The following GABRB1 variants were observed in gnomAD, a reference collection of about 807,000 sequenced individuals.
The protein encoded by GABRB1 is gamma-aminobutyric acid type A receptor subunit beta1.
A neutral mutation model predicts 51.6 loss-of-function variants in GABRB1; 17 were observed. The ratio of observed to expected loss-of-function variants is 0.33; its 90% confidence interval spans 0.23 to 0.49. The LOEUF (loss-of-function observed/expected upper bound fraction) is 0.49, where lower values mean the gene tolerates loss of function less well. GABRB1 is among the 20% of genes least tolerant of loss of function. GABRB1 has a pLI of 0.99. For synonymous variants in GABRB1, 247 were observed against 218.9 expected, an observed-to-expected ratio of 1.13 and a Z score of -1.14; for missense variants, 410 against 600.6, an observed-to-expected ratio of 0.68 and a Z score of 3.32.
At chr4:47,343,342 G>A (rs1409685207) in intron 5 of GABRB1, among the ~76,000 whole-genome samples, 1 of 152,076 alleles carries the variant, frequency 6.6e-6, no homozygotes, top group Non-Finnish European at 1.5e-5. Flanking sequence ...GTCAGTTTGG[G>A]ATCAATGTTT....
At chr4:47,396,821 C>T (rs1180932192) in intron 5 of GABRB1, among the ~76,000 whole-genome samples, 1 of 152,096 alleles carries the variant, frequency 6.6e-6, no homozygotes, top group Admixed American at 6.5e-5. Context: ...CCCACGTGCT[C>T]AGCAAAATAT....
chr4:47,422,853 T>C (rs1262310620), intron 8 of GABRB1, among the ~76,000 whole-genome samples: 2 of 152,220 alleles, frequency 1.3e-5, no homozygotes, highest in African/African-American at 4.8e-5. Context: ...AATATAATCT[T>C]TCAGCCTAAC....
intron 8 of GABRB1, among the ~76,000 whole-genome samples, chr4:47,410,332 G>A (rs144159792): frequency 1.2e-4 from 19 of 152,240 alleles, no homozygotes; most frequent in African/African-American, 3.6e-4. Context: ...ATAATAAACT[G>A]TGAGCACATT....
intron 5 of GABRB1, among the ~76,000 whole-genome samples, chr4:47,331,950 T>C (rs1725500696): frequency 1.3e-5 from 2 of 152,146 alleles, no homozygotes; most frequent in Non-Finnish European, 2.9e-5. Context: ...AAAACTTGCT[T>C]CTTAATACTG....
At chr4:47,285,816 T>G (rs1723491558) in intron 4 of GABRB1, among the ~76,000 whole-genome samples, 1 of 152,214 alleles carries the variant, frequency 6.6e-6, no homozygotes. Flanking sequence ...TAATAATTGT[T>G]TGACTTTTTG....
intron 4 of GABRB1, among the ~76,000 whole-genome samples, chr4:47,296,775 A>G (rs1350470643): frequency 2.6e-5 from 4 of 152,118 alleles, no homozygotes; most frequent in Non-Finnish European, 5.9e-5. Context: ...GACATCTACA[A>G]AATTCTCCAC....
chr4:47,300,311 A>C (rs1018102654), intron 4 of GABRB1, among the ~76,000 whole-genome samples: 2 of 152,170 alleles, frequency 1.3e-5, no homozygotes, highest in Admixed American at 6.6e-5. Flanking sequence ...CTAAATAGCC[A>C]GTGATTATTC....
intron 3 of GABRB1, among the ~76,000 whole-genome samples, chr4:47,039,597 G>A (rs1725744805): frequency 6.6e-6 from 1 of 152,080 alleles, no homozygotes; most frequent in Non-Finnish European, 1.5e-5. Flanking sequence ...GTATGTATAG[G>A]ATCCTATGGG....
intron 5 of GABRB1, among the ~76,000 whole-genome samples, chr4:47,395,209 A>T (rs761266717): frequency 2.6e-5 from 4 of 152,188 alleles, no homozygotes; most frequent in Admixed American, 6.5e-5. Flanking sequence ...TAATTTATGA[A>T]GAAAAGAGGT....
At chr4:47,278,249 A>G (rs569749486) in intron 4 of GABRB1, among the ~76,000 whole-genome samples, 6 of 152,142 alleles carry the variant, frequency 3.9e-5, no homozygotes, top group Non-Finnish European at 8.8e-5. Context: ...TAATTACTAC[A>G]AGTTATTTTT....
At chr4:47,061,847 C>T (rs1726857369) in intron 3 of GABRB1, among the ~76,000 whole-genome samples, 1 of 152,136 alleles carries the variant, frequency 6.6e-6, no homozygotes, top group Non-Finnish European at 1.5e-5. Flanking sequence ...GTGATGTGAG[C>T]TGTTTTTCCT....
At chr4:47,164,099 A>G (rs1347893430) in intron 4 of GABRB1, among the ~76,000 whole-genome samples, 2 of 152,024 alleles carry the variant, frequency 1.3e-5, no homozygotes, top group Non-Finnish European at 2.9e-5. Flanking sequence ...TTCACTCACT[A>G]TCACAAGAAC....
At chr4:47,047,233 C>T (rs1726134514) in intron 3 of GABRB1, among the ~76,000 whole-genome samples, 1 of 151,942 alleles carries the variant, frequency 6.6e-6, no homozygotes. Flanking sequence ...CAAGGGTATT[C>T]AAAATTACAG....
At chr4:47,140,720 A>G (rs1560554370) in intron 3 of GABRB1, among the ~76,000 whole-genome samples, 1 of 148,506 alleles carries the variant, frequency 6.7e-6, no homozygotes, top group African/African-American at 2.5e-5. Flanking sequence ...TACCTTAACC[A>G]TTATTTATTT....
chr4:47,304,198 A>G (rs1364964755), intron 4 of GABRB1, among the ~76,000 whole-genome samples: 3 of 151,908 alleles, frequency 2.0e-5, no homozygotes, highest in African/African-American at 7.3e-5. Context: ...TTCTATTTTT[A>G]ATGTTTTGAG....
intron 4 of GABRB1, among the ~76,000 whole-genome samples, chr4:47,168,798 T>A (rs1004023222): frequency 2.6e-5 from 4 of 152,118 alleles, no homozygotes; most frequent in Non-Finnish European, 5.9e-5. Flanking sequence ...AGTCTCACAG[T>A]TCTGGAAGCT....
intron 3 of GABRB1, among the ~76,000 whole-genome samples, chr4:47,103,648 C>T (rs536125841): frequency 3.3e-5 from 5 of 151,900 alleles, no homozygotes; most frequent in African/African-American, 1.2e-4. Flanking sequence ...TCTATGGAAA[C>T]TAATCAATGC....
Position 47,040,343 on chromosome 4 carries a change from G to A in GABRB1, c.240+7859G>A, listed in dbSNP as rs76782459. Among the ~76,000 whole-genome samples the A allele has an allele frequency of 5.5e-3, 841 of 152,232 alleles. 7 individuals carry two copies. The highest frequency in any genetic ancestry group is 0.019 in the African/African-American group (788 of 41,530). On this transcript the variant is annotated intron_variant, in intron 3 of 8. Coordinates refer to ENST00000295454, the MANE Select transcript of GABRB1 (RefSeq NM_000812.4). The stretch of plus-strand genomic sequence containing the variant: ...GTTAGGAAGCTAAGAGTGTTTCAAG[G>A]TCCAGATGAGAGGTGATAGATGCCT...
At chr4:47,011,835 G>A (rs533466486) in intron 1 of GABRB1, among the ~76,000 whole-genome samples, 28 of 151,830 alleles carry the variant, frequency 1.8e-4, no homozygotes, top group Admixed American at 1.2e-3. Context: ...TGCTGTATAG[G>A]CTTCTATAAA....
Sources: allele counts gnomAD v4.1 joint callset (sites outside exome capture counted in the v4.1 genomes callset), GRCh38; gene constraint gnomAD v4.1.1; transcripts MANE v1.5; gene names NCBI Gene and HGNC (gene_info 2026-07-23, HGNC 2026-07-21).